ZBBX: variants seen among roughly 807,000 people sequenced by gnomAD.
The protein encoded by ZBBX is zinc finger B-box domain containing.
ZBBX carries 101 observed loss-of-function variants against 108.5 expected under a neutral mutation model. The observed-to-expected ratio is 0.93, with a 90% confidence interval of 0.79 to 1.10. The LOEUF is 1.10. ZBBX is among the 50% of genes least tolerant of loss of function. ZBBX has a pLI of 0.00. For synonymous variants in ZBBX, 356 were observed against 323.4 expected, an observed-to-expected ratio of 1.10 and a Z score of -1.08; for missense variants, 1,009 against 941.4, an observed-to-expected ratio of 1.07 and a Z score of -0.94.
intron 11 of ZBBX, among the ~76,000 whole-genome samples, chr3:167,324,898 C>T (rs1434676869): frequency 6.6e-6 from 1 of 152,122 alleles, no homozygotes; most frequent in African/African-American, 2.4e-5. Context: ...AGCCTTCCAA[C>T]TTCTTCTTCT....
rs778353335 is a variant in ZBBX, at chr3:167,328,051, C to A, written c.753G>T (p.Gly251=). ...TKPRKSLLCE[G]SFDEEASAQS... The stretch of plus-strand genomic sequence containing the variant: ...GTGCAGAAGCTTCTTCATCGAATGA[C>A]CCTTCACACAACAGACTCTTTCTTG... Residue 251 remains glycine, a synonymous_variant, in exon 11 of 22, where the codon GGG becomes GGT. Coordinates refer to ENST00000675490, the MANE Select transcript of ZBBX (RefSeq NM_001199201.2). 1 of 1,613,758 alleles carries A rather than the reference C, an allele frequency of 6.2e-7. No homozygotes were observed. The highest frequency in any genetic ancestry group is 8.5e-7 in the Non-Finnish European group (1 of 1,179,930).
chr3:167,194,887 G>T, the ZBBX span, among the ~76,000 whole-genome samples: 3 of 152,224 alleles, frequency 2.0e-5, no homozygotes, highest in Non-Finnish European at 4.4e-5. Context: ...ACTTCCCAAG[G>T]CTCAGTGTAT....
intron 1 of ZBBX, among the ~76,000 whole-genome samples, chr3:167,401,739 G>C (rs1444825125): frequency 6.6e-6 from 1 of 152,122 alleles, no homozygotes; most frequent in African/African-American, 2.4e-5. Flanking sequence ...TTTATGACCT[G>C]TATCTTCTGC....
At chr3:167,291,291 T>G (rs1730649715) in intron 18 of ZBBX, among the ~76,000 whole-genome samples, 1 of 151,918 alleles carries the variant, frequency 6.6e-6, no homozygotes, top group Non-Finnish European at 1.5e-5. Context: ...GAAAAAATGT[T>G]AAGGGCAGCC....
At chr3:167,236,445 A>G (rs1167904464), downstream of ZBBX, among the ~76,000 whole-genome samples, 1 of 151,846 alleles carries the variant, frequency 6.6e-6, no homozygotes, top group Non-Finnish European at 1.5e-5. Context: ...TCCAGTTGCA[A>G]AAGTGTTTTT....
intron 11 of ZBBX, among the ~76,000 whole-genome samples, chr3:167,326,273 T>C (rs1215660866): frequency 6.6e-6 from 1 of 152,168 alleles, no homozygotes; most frequent in Non-Finnish European, 1.5e-5. Context: ...AGTTAACTAA[T>C]AGTATTTAGT....
intron 6 of ZBBX, among the ~76,000 whole-genome samples, chr3:167,361,479 A>G (rs958966212): frequency 1.3e-5 from 2 of 152,104 alleles, no homozygotes; most frequent in Admixed American, 1.3e-4. Flanking sequence ...TCAATTTGCA[A>G]TTTGCATGCT....
upstream of ZBBX, among the ~76,000 whole-genome samples, chr3:167,381,514 G>A (rs1747718227): frequency 6.6e-6 from 1 of 152,196 alleles, no homozygotes; most frequent in South Asian, 2.1e-4. Context: ...GTGTGGCTAT[G>A]ATGGTTGCTA....
At chr3:167,218,376 A>G in the ZBBX span, among the ~76,000 whole-genome samples, 4 of 152,156 alleles carry the variant, frequency 2.6e-5, no homozygotes, top group East Asian at 3.9e-4. Context: ...TCTTCAGTAG[A>G]ACAATTAAAA....
chr3:167,252,317 G>T, intron 20 of ZBBX: 1 of 654,226 alleles, frequency 1.5e-6, no homozygotes, highest in Non-Finnish European at 2.3e-6. Flanking sequence ...GTGGTGTGGA[G>T]GTGTATGTCT....
intron 20 of ZBBX, among the ~76,000 whole-genome samples, chr3:167,271,261 A>C (rs182819753): frequency 6.3e-4 from 96 of 152,342 alleles, no homozygotes; most frequent in African/African-American, 2.3e-3. Flanking sequence ...TAATCACCCA[A>C]GTATTAGATA....
chr3:167,313,904 T>A, intron 16 of ZBBX, 70 bp downstream of exon 16: 1 of 1,369,534 alleles, frequency 7.3e-7, no homozygotes, highest in African/African-American at 1.5e-5. Context: ...ATAACAAAGC[T>A]TTTATAGACT....
intron 21 of ZBBX, 79 bp from the exon 22 acceptor site, chr3:167,240,998 C>T: frequency 6.6e-7 from 1 of 1,513,558 alleles, no homozygotes; most frequent in Non-Finnish European, 8.9e-7. Flanking sequence ...ATCAATACTA[C>T]ATATGTTGGA....
At chr3:167,233,541 G>C in the ZBBX span, among the ~76,000 whole-genome samples, 1 of 151,636 alleles carries the variant, frequency 6.6e-6, no homozygotes, top group East Asian at 2.0e-4. Flanking sequence ...ATCCTTAAAA[G>C]CTGTCCCAGG....
rs1577075641 is a variant in ZBBX at position 167,355,197 on chromosome 3, C to T, written c.432+4673G>A. 3.9e-5 allele frequency among the ~76,000 whole-genome samples: 6 copies of T among 152,062 alleles called. No individual in the cohort carries two copies. The South Asian group carries it at 1.2e-3, about 32-fold the overall frequency. ...ATATAAGAAAAGTGGAACTTTTGGG[C>T]TTCGTCTTTGCCATCAATATATGTA... On this transcript the variant is annotated intron_variant, in intron 8 of 21. Coordinates refer to ENST00000675490, the MANE Select transcript of ZBBX (RefSeq NM_001199201.2).
intron 1 of ZBBX, among the ~76,000 whole-genome samples, chr3:167,391,752 C>T (rs1748089787): frequency 1.3e-5 from 2 of 151,648 alleles, no homozygotes; most frequent in Non-Finnish European, 2.9e-5. Context: ...ACTTTACATA[C>T]AATAAATCAC....
intron 17 of ZBBX, among the ~76,000 whole-genome samples, chr3:167,303,759 T>C (rs1241724879): frequency 6.6e-6 from 1 of 152,218 alleles, no homozygotes. Flanking sequence ...TTAATGTCAA[T>C]CTAGTAATTG....
intron 16 of ZBBX, among the ~76,000 whole-genome samples, chr3:167,306,260 C>T (rs972551761): frequency 1.3e-5 from 2 of 152,046 alleles, no homozygotes; most frequent in African/African-American, 4.8e-5. Context: ...CTCACTTTCC[C>T]ACCTCCTCCT....
chr3:167,338,781 G>C (rs947999576), intron 9 of ZBBX, among the ~76,000 whole-genome samples: 2 of 152,044 alleles, frequency 1.3e-5, no homozygotes, highest in Non-Finnish European at 2.9e-5. Context: ...GGTAGAGAGA[G>C]AGATACACAC....
Sources: allele counts gnomAD v4.1 joint callset (sites outside exome capture counted in the v4.1 genomes callset), GRCh38; gene constraint gnomAD v4.1.1; transcripts MANE v1.5; gene names NCBI Gene and HGNC (gene_info 2026-07-23, HGNC 2026-07-21).